ANO4: variants seen among roughly 807,000 people sequenced by gnomAD.
ANO4 encodes the protein anoctamin 4.
A neutral mutation model predicts 141.9 loss-of-function variants in ANO4; 69 were observed. The ratio of observed to expected loss-of-function variants is 0.49; its 90% CI spans 0.40 to 0.59. ANO4 has a LOEUF of 0.59. ANO4 is among the 20% of genes least tolerant of loss of function. ANO4 has a pLI of 0.00. For missense variants in ANO4, 894 were observed against 1,162.2 expected (o/e 0.77, Z 3.36); for synonymous variants, 350 against 394.3 (o/e 0.89, Z 1.33).
At chr12:100,840,123 A>AAATAATAAT (rs3058372) in intron 1 of ANO4, among the ~76,000 whole-genome samples, 3 of 149,728 alleles carry the variant, frequency 2.0e-5, no homozygotes, top group Non-Finnish European at 4.4e-5. Flanking sequence ...CTTAAACCAA[A>AAATAATAAT]AATAATAATA....
At chr12:100,784,688 A>G (rs537627231) in intron 3 of ANO4, among the ~76,000 whole-genome samples, 2 of 152,344 alleles carry the variant, frequency 1.3e-5, no homozygotes, top group Non-Finnish European at 2.9e-5. Flanking sequence ...AAAAAGGAAG[A>G]ATTCTTGTTT....
At chr12:100,844,952 G>A (rs904184807) in intron 1 of ANO4, among the ~76,000 whole-genome samples, 1 of 152,100 alleles carries the variant, frequency 6.6e-6, no homozygotes, top group South Asian at 2.1e-4. Flanking sequence ...GGATGTTGAA[G>A]ACTGAAAAGG....
At chr12:100,909,002 A>G (rs2040975617) in intron 2 of ANO4, among the ~76,000 whole-genome samples, 1 of 152,204 alleles carries the variant, frequency 6.6e-6, no homozygotes, top group Non-Finnish European at 1.5e-5. Flanking sequence ...TCTATTAAAC[A>G]TGGGTCTTAA....
intron 16 of ANO4, 58 bp from the exon 17 acceptor site, chr12:101,086,602 A>T (rs1289202374): frequency 1.3e-5 from 21 of 1,591,128 alleles, no homozygotes; most frequent in Non-Finnish European, 1.8e-5. Flanking sequence ...AGGAATGTGA[A>T]TCCTCTTCCT....
At chr12:100,948,250 T>C (rs1393368067) in intron 5 of ANO4, among the ~76,000 whole-genome samples, 1 of 150,126 alleles carries the variant, frequency 6.7e-6, no homozygotes. Flanking sequence ...AAAATTGGGA[T>C]GAATAATGAA....
exon 3 of ANO4, chr12:100,739,910 G>A (rs1449991413): frequency 2.8e-6 from 2 of 702,546 alleles, no homozygotes; most frequent in East Asian, 2.7e-5. Context: ...AAATCCATAC[G>A]TACAAGGCAG....
chr12:100,867,651 A>G (rs1037012757), intron 1 of ANO4, among the ~76,000 whole-genome samples: 3 of 151,946 alleles, frequency 2.0e-5, no homozygotes, highest in Non-Finnish European at 4.4e-5. Context: ...ATGACGTTTA[A>G]CCAAATATAT....
At position 101,051,975 on chromosome 12, in the gene ANO4, T is replaced by TA. The variant is rs138817112; in HGVS notation, c.1312+3575dup. Among the ~76,000 whole-genome samples, 219 of 152,316 alleles carry TA rather than the reference T, an allele frequency of 1.4e-3. 2 individuals are homozygous for TA. The East Asian group carries it at 0.024, about 17-fold the overall frequency. The stretch of plus-strand genomic sequence containing the variant: ...GGATCATCTCTTATGATCGACAAGT[T>TA]ACAGCATTAAAGAAAACAAATGCAC... On this transcript the variant is annotated intron_variant, in intron 14 of 27. Transcript: ENST00000392977.
At chr12:100,721,282 A>G (rs1314940544) in intron 1 of ANO4, among the ~76,000 whole-genome samples, 1 of 152,194 alleles carries the variant, frequency 6.6e-6, no homozygotes, top group Non-Finnish European at 1.5e-5. Flanking sequence ...ACTAGAACGA[A>G]TAAGATCTCC....
chr12:100,991,305 TG>T (rs749874066), intron 8 of ANO4, among the ~76,000 whole-genome samples: 3 of 152,146 alleles, frequency 2.0e-5, no homozygotes, highest in Non-Finnish European at 4.4e-5. Flanking sequence ...GTGACATTAA[TG>T]GATTTAAATT....
chr12:100,982,209 G>A (rs2044497744), intron 7 of ANO4, among the ~76,000 whole-genome samples: 1 of 152,114 alleles, frequency 6.6e-6, no homozygotes, highest in Non-Finnish European at 1.5e-5. Context: ...TGTGTAAGAG[G>A]GCTTTTGCTC....
intron 3 of ANO4, among the ~76,000 whole-genome samples, chr12:100,776,231 C>T (rs1469843612): frequency 6.6e-6 from 1 of 152,200 alleles, no homozygotes; most frequent in Non-Finnish European, 1.5e-5. Context: ...TCTGGCTTCA[C>T]GCTTGCTCTG....
At chr12:100,985,341 AAG>A (rs908656222) in intron 7 of ANO4, among the ~76,000 whole-genome samples, 1 of 152,204 alleles carries the variant, frequency 6.6e-6, no homozygotes, top group Admixed American at 6.5e-5. Flanking sequence ...TTTTGGAAAA[AAG>A]AGAAAAACAG....
intron 14 of ANO4, among the ~76,000 whole-genome samples, chr12:101,052,438 C>CA (rs1422685414): frequency 6.6e-6 from 1 of 152,176 alleles, no homozygotes; most frequent in Non-Finnish European, 1.5e-5. Flanking sequence ...GTCGGGGAAA[C>CA]AGATTATTTC....
In ANO4 at chr12:101,116,659, G is replaced by C; in HGVS notation, c.2451-20G>C. 1 of 1,614,092 alleles carries C rather than the reference G, an allele frequency of 6.2e-7. No individual in the cohort carries two copies. Among genetic ancestry groups the C allele is most frequent in the Non-Finnish European group, 8.5e-7 (1 of 1,179,972 alleles). ...GAAGGTGATGAGTGTTCTAATGGTA[G>C]AATGTGCCTCCTCTTATAGGTGCAT... On this transcript the variant is annotated intron_variant, in intron 24 of 27. Coordinates refer to ENST00000392977, the MANE Select transcript of ANO4 (RefSeq NM_001286615.2).
At chr12:100,904,767 A>C (rs1402968977) in intron 2 of ANO4, among the ~76,000 whole-genome samples, 1 of 152,194 alleles carries the variant, frequency 6.6e-6, no homozygotes, top group Non-Finnish European at 1.5e-5. Context: ...AATTTGATTT[A>C]TATTTTAACA....
intron 3 of ANO4, among the ~76,000 whole-genome samples, chr12:100,931,813 A>G (rs1022248363): frequency 1.3e-5 from 2 of 152,146 alleles, no homozygotes; most frequent in African/African-American, 4.8e-5. Flanking sequence ...CTTAAAATGC[A>G]TATTGAGTGT....
chr12:100,801,826 A>G (rs2034714886), intron 1 of ANO4, among the ~76,000 whole-genome samples: 1 of 152,168 alleles, frequency 6.6e-6, no homozygotes, highest in Non-Finnish European at 1.5e-5. Flanking sequence ...TGGTATCAGG[A>G]ACTCTAAATG....
rs1287002564 is a variant in ANO4, at chr12:100,919,319, C to A, written c.56-2907C>A. On this transcript the variant is annotated intron_variant, in intron 2 of 27. Coordinates refer to ENST00000392977, the MANE Select transcript of ANO4 (RefSeq NM_001286615.2). ...TTCACATTCACTCACCACTCAATGA[C>A]TCATTCAGAGCAACTTTCATTCCTG... 3.9e-5 allele frequency among the ~76,000 whole-genome samples: 6 copies of A among 152,262 alleles called. No individual in the cohort carries two copies. The East Asian group carries it at 7.7e-4, about 20-fold the overall frequency.
Sources: allele counts gnomAD v4.1 joint callset (sites outside exome capture counted in the v4.1 genomes callset), GRCh38; gene constraint gnomAD v4.1.1; transcripts MANE v1.5; gene names NCBI Gene and HGNC (gene_info 2026-07-23, HGNC 2026-07-21).